OPHN1: variants seen among roughly 807,000 people sequenced by gnomAD.
The protein encoded by OPHN1 is oligophrenin-1.
A neutral mutation model predicts 60.7 loss-of-function variants in OPHN1; 11 were observed. That is an observed-to-expected ratio of 0.18 (90% CI 0.11 to 0.30). The LOEUF (loss-of-function observed/expected upper bound fraction) is 0.30, where lower values mean the gene tolerates loss of function less well. Among genes scored for constraint, OPHN1 ranks in the 10% least tolerant of loss-of-function variants. The pLI is 1.00. For synonymous variants in OPHN1, 226 were observed against 222.6 expected, an observed-to-expected ratio of 1.02 and a Z score of -0.14; for missense variants, 449 against 611.0, an observed-to-expected ratio of 0.73 and a Z score of 2.80.
intron 15 of OPHN1, among the ~76,000 whole-genome samples, chrX:68,179,497 A>G (rs1359976251): frequency 8.9e-6 from 1 of 111,956 alleles, no homozygotes; most frequent in African/African-American, 3.2e-5. Context: ...TTAGGTCCCA[A>G]CCTTGGGTCC....
intron 5 of OPHN1, among the ~76,000 whole-genome samples, chrX:68,257,638 A>C (rs994654253): frequency 1.8e-5 from 2 of 112,231 alleles, no homozygotes; most frequent in Non-Finnish European, 3.8e-5. Context: ...AGACCTACAC[A>C]GCTACCAATA....
intron 6 of OPHN1, among the ~76,000 whole-genome samples, chrX:68,226,485 G>C (rs2077693539): frequency 9.0e-6 from 1 of 111,355 alleles, no homozygotes; most frequent in Non-Finnish European, 1.9e-5. Flanking sequence ...AGAGAGAAAG[G>C]TCAGGTTACC....
At chrX:68,172,823 G>A (rs12836444) in intron 15 of OPHN1, among the ~76,000 whole-genome samples, 38,221 of 109,702 alleles carry the variant, frequency 0.35, 5,465 homozygotes, top group African/African-American at 0.52. Context: ...ATGCTGTCTC[G>A]GTATCCGTTC....
intron 12 of OPHN1, among the ~76,000 whole-genome samples, chrX:68,195,772 T>A (rs1481482161): frequency 8.9e-6 from 1 of 111,902 alleles, no homozygotes; most frequent in Non-Finnish European, 1.9e-5. Context: ...GTGGGAGATA[T>A]TTTTGTGCCA....
At chrX:68,151,536 C>T (rs764274686) in intron 15 of OPHN1, among the ~76,000 whole-genome samples, 1 of 111,756 alleles carries the variant, frequency 8.9e-6, no homozygotes, top group Admixed American at 9.5e-5. Flanking sequence ...TTTAGTCCAC[C>T]CCTGGATGAG....
chrX:68,228,612 C>T (rs946222153), intron 6 of OPHN1, among the ~76,000 whole-genome samples: 10 of 111,273 alleles, frequency 9.0e-5, no homozygotes. Flanking sequence ...TCAACATACA[C>T]AAATCAATAA....
chrX:68,271,369 T>C (rs1159675457), intron 5 of OPHN1, among the ~76,000 whole-genome samples: 2 of 93,762 alleles, frequency 2.1e-5, no homozygotes, highest in Non-Finnish European at 4.2e-5. Flanking sequence ...CTACAGAAAT[T>C]ACAAAAAAAA....
intron 5 of OPHN1, among the ~76,000 whole-genome samples, chrX:68,248,978 G>A (rs1054751152): frequency 9.0e-6 from 1 of 111,525 alleles, no homozygotes; most frequent in Non-Finnish European, 1.9e-5. Flanking sequence ...GGGGAGGTGG[G>A]GATGGTAAAT....
intron 5 of OPHN1, among the ~76,000 whole-genome samples, chrX:68,240,134 T>C (rs1258499850): frequency 2.7e-5 from 3 of 112,461 alleles, no homozygotes; most frequent in Non-Finnish European, 5.6e-5. Flanking sequence ...ACAGTATTAG[T>C]GGGGCTCTCC....
At chrX:68,391,847 A>C (rs939572646) in intron 2 of OPHN1, among the ~76,000 whole-genome samples, 9 of 111,381 alleles carry the variant, frequency 8.1e-5, no homozygotes, top group Admixed American at 3.9e-4. Flanking sequence ...GCAGACAGCC[A>C]CTTGAAGCTG....
chrX:68,184,683 G>T (rs1230372471), intron 15 of OPHN1, among the ~76,000 whole-genome samples: 1 of 109,860 alleles, frequency 9.1e-6, no homozygotes, highest in Admixed American at 9.7e-5. Context: ...TGCAACCTCC[G>T]CCTCCCAGGT....
At chrX:68,195,051 GAAGGAAGGAAGGAAGAAAGA>G (rs1411878787) in intron 12 of OPHN1, among the ~76,000 whole-genome samples, 4 of 97,062 alleles carry the variant, frequency 4.1e-5, no homozygotes, top group African/African-American at 1.7e-4. Context: ...AGGAAGGAAG[GAAGGAAGGAAGGAAGAAAGA>G]AAGAAAATAC....
At chrX:68,267,781 C>A (rs866764267) in intron 5 of OPHN1, among the ~76,000 whole-genome samples, 2 of 111,013 alleles carry the variant, frequency 1.8e-5, no homozygotes, top group Non-Finnish European at 3.8e-5. Context: ...ACTGATAGAC[C>A]GCTAGCAAGA....
chrX:68,275,071 CTGAAG>C (rs1397215163), intron 4 of OPHN1, among the ~76,000 whole-genome samples: 1 of 111,953 alleles, frequency 8.9e-6, no homozygotes, highest in Non-Finnish European at 1.9e-5. Context: ...CGATAAATAT[CTGAAG>C]TGATGTCCAG....
At chrX:68,125,727 T>C (rs1283923442) in intron 15 of OPHN1, among the ~76,000 whole-genome samples, 2 of 106,488 alleles carry the variant, frequency 1.9e-5, no homozygotes, top group African/African-American at 6.8e-5. Context: ...ACCCAATAGC[T>C]TTACTGCTGA....
chrX:68,413,944 G>T (rs759651529), intron 2 of OPHN1, among the ~76,000 whole-genome samples: 1 of 111,748 alleles, frequency 8.9e-6, no homozygotes, highest in Admixed American at 9.6e-5. Flanking sequence ...CCTGGAAAGG[G>T]AAGAATATGT....
chrX:68,118,757 A>C (rs1242046237), intron 16 of OPHN1, among the ~76,000 whole-genome samples: 1 of 112,137 alleles, frequency 8.9e-6, no homozygotes, highest in Non-Finnish European at 1.9e-5. Context: ...ATTTAGCTCC[A>C]ATATTATTAC....
intron 2 of OPHN1, among the ~76,000 whole-genome samples, chrX:68,400,937 G>A (rs2078711273): frequency 9.0e-6 from 1 of 111,173 alleles, no homozygotes; most frequent in Admixed American, 9.7e-5. Context: ...TTTTCTTTCA[G>A]GCACATCCTA....
chrX:68,176,198 A>G (rs2077413556), intron 15 of OPHN1, among the ~76,000 whole-genome samples: 1 of 112,146 alleles, frequency 8.9e-6, no homozygotes, highest in South Asian at 3.7e-4. Context: ...ACAAGAAAGA[A>G]AAGGAAAAAA....
Sources: gnomAD v4.1 joint callset for allele counts (sites outside exome capture counted in the v4.1 genomes callset) on GRCh38, gnomAD v4.1.1 for gene constraint, MANE v1.5 for transcripts, NCBI Gene and HGNC (gene_info 2026-07-23, HGNC 2026-07-21) for gene names.